Variants in APLP2 observed in about 807,000 individuals in gnomAD.
APLP2 encodes amyloid beta precursor like protein 2, also known as CDEI box-binding protein.
A neutral mutation model predicts 89.9 loss-of-function variants in APLP2; 53 were observed. The observed-to-expected ratio is 0.59, with a 90% confidence interval of 0.47 to 0.74. The LOEUF is 0.74. Among genes scored for constraint, APLP2 ranks in the 30% least tolerant of loss-of-function variants. APLP2 has a pLI of 0.00. For synonymous variants in APLP2, 372 were observed against 348.6 expected (o/e 1.07, Z -0.75); for missense variants, 973 against 975.9 (o/e 1.00, Z 0.04).
At chr11:130,130,286 GTT>G in intron 11 of APLP2, 120 bp downstream of exon 11, 2 of 1,370,626 alleles carry the variant, frequency 1.5e-6, no homozygotes, top group Admixed American at 4.1e-5. Flanking sequence ...TAGAAAATGA[GTT>G]TTGATTTCCG....
chr11:130,104,526 A>G (rs2135727578), intron 1 of APLP2, among the ~76,000 whole-genome samples: 2 of 152,200 alleles, frequency 1.3e-5, no homozygotes, highest in Middle Eastern at 6.8e-3. Flanking sequence ...CTTGGTATGC[A>G]TCTTGAACTA....
In APLP2 at chr11:130,122,476, C is replaced by T. The variant is rs1455788837; in HGVS notation, c.885C>T (p.Gly295=). 6.2e-7 allele frequency: 1 copy of T among 1,614,100 alleles called. No individual in the cohort carries two copies. The change falls in exon 6 of 17, where the codon GGC becomes GGT. Residue 295 remains glycine, a synonymous_variant. Transcript: ENST00000338167. ...ATCCTACTGAACCCGGCAGCGACGG[C>T]ACCATGTCAGACAAGGAAATTACTC... ...EENPTEPGSD[G]TMSDKEITHD... is the part of the protein sequence containing the mutation.
chr11:130,095,991 G>T (rs1946152134), intron 1 of APLP2, among the ~76,000 whole-genome samples: 1 of 152,214 alleles, frequency 6.6e-6, no homozygotes, highest in South Asian at 2.1e-4. Flanking sequence ...GGACACTGCA[G>T]ATGAATGAGC....
At chr11:130,093,358 G>A (rs1945712945) in intron 1 of APLP2, among the ~76,000 whole-genome samples, 1 of 152,206 alleles carries the variant, frequency 6.6e-6, no homozygotes, top group Admixed American at 6.5e-5. Context: ...GTAGGGAATA[G>A]ACAAAGACAA....
intron 3 of APLP2, among the ~76,000 whole-genome samples, chr11:130,112,442 A>G (rs1948708045): frequency 6.6e-6 from 1 of 152,208 alleles, no homozygotes; most frequent in Non-Finnish European, 1.5e-5. Flanking sequence ...GTGACAGGAC[A>G]CAGTACTTAT....
intron 9 of APLP2, among the ~76,000 whole-genome samples, chr11:130,128,792 T>G (rs1950634532): frequency 6.6e-6 from 1 of 152,210 alleles, no homozygotes; most frequent in Non-Finnish European, 1.5e-5. Context: ...CTAGCACTTG[T>G]AGTTACACAG....
chr11:130,107,571 A>G (rs913290179), intron 1 of APLP2, among the ~76,000 whole-genome samples: 9 of 152,252 alleles, frequency 5.9e-5, no homozygotes, highest in Non-Finnish European at 1.2e-4. Flanking sequence ...AAGAGGACAC[A>G]AACAAATGGA....
intron 1 of APLP2, among the ~76,000 whole-genome samples, chr11:130,074,215 T>G (rs1489196342): frequency 6.6e-6 from 1 of 152,130 alleles, no homozygotes; most frequent in African/African-American, 2.4e-5. Flanking sequence ...TTGTTGTTGT[T>G]GTTTTGTTTT....
chr11:130,070,303 AGGC>A (rs1940675016), intron 1 of APLP2, among the ~76,000 whole-genome samples: 1 of 151,168 alleles, frequency 6.6e-6, no homozygotes, highest in Admixed American at 6.6e-5. Flanking sequence ...GCCAAATGAA[AGGC>A]GTCGGGGCTG....
At chr11:130,095,669 T>C (rs1329006124) in intron 1 of APLP2, among the ~76,000 whole-genome samples, 2 of 152,214 alleles carry the variant, frequency 1.3e-5, no homozygotes. Context: ...TTGGAGTCAC[T>C]TGACAAAAAT....
chr11:130,142,162 C>T (rs1385606023), intron 16 of APLP2, 88 bp downstream of exon 16: 2 of 1,372,750 alleles, frequency 1.5e-6, no homozygotes, highest in East Asian at 2.6e-5. Context: ...ATCTTCACTC[C>T]TCGAGTACTG....
At position 130,078,330 on chromosome 11, in the gene APLP2, G is replaced by A. The variant is rs560235167; in HGVS notation, c.105+8248G>A. On this transcript the variant is annotated intron_variant, in intron 1 of 16. Coordinates refer to ENST00000338167, the MANE Select transcript of APLP2 (RefSeq NM_001142276.2). ...GTACTCCATTATATGAATAAACCACGCAGTTTGTTCTGCTGTTGATGGACG... is the reference window on the plus strand; with the variant it reads ...GTACTCCATTATATGAATAAACCACACAGTTTGTTCTGCTGTTGATGGACG... 5.9e-5 allele frequency among the ~76,000 whole-genome samples: 9 copies of A among 152,074 alleles called. No homozygotes were observed. In the East Asian group the frequency reaches 7.7e-4, roughly 13 times the overall value.
At chr11:130,117,779 G>C (rs1167799492) in intron 3 of APLP2, among the ~76,000 whole-genome samples, 1 of 152,148 alleles carries the variant, frequency 6.6e-6, no homozygotes, top group African/African-American at 2.4e-5. Context: ...TTGAGTTAAA[G>C]GTTGTATTTC....
At chr11:130,135,408 C>T (rs553993764) in intron 12 of APLP2, among the ~76,000 whole-genome samples, 155 bp from the exon 13 acceptor site, 1 of 152,194 alleles carries the variant, frequency 6.6e-6, no homozygotes, top group South Asian at 2.1e-4. Context: ...CCTGGGGTCC[C>T]TGGTGTTGGG....
chr11:130,109,438 G>T lies in APLP2; in HGVS notation c.115G>T (p.Ala39Ser). Residue 39 changes from alanine (A) to serine (S), a missense_variant, in exon 2 of 17, where the codon GCC (alanine) becomes TCC (serine). Physicochemically the swap from Ala to Ser is moderately conservative, Grantham distance 99. Coordinates refer to ENST00000338167, the MANE Select transcript of APLP2 (RefSeq NM_001142276.2). The stretch of plus-strand genomic sequence containing the variant: ...TTTTTCCCTTTGGTAGGCTCTTGCA[G>T]CCAATGCCGGAACAGGATTTGCTGT... The part of the protein sequence containing the change: ...ALAGYIEALA[A>S]NAGTGFAVAE... 6.2e-7 allele frequency: 1 copy of T among 1,611,060 alleles called. No homozygotes were observed. Among genetic ancestry groups the T allele is most frequent in the Non-Finnish European group, 8.5e-7 (1 of 1,178,722 alleles).
intron 1 of APLP2, among the ~76,000 whole-genome samples, chr11:130,104,060 G>A (rs1947306834): frequency 6.6e-6 from 1 of 151,988 alleles, no homozygotes; most frequent in Non-Finnish European, 1.5e-5. Context: ...CAAAGGATTC[G>A]GGGGAGAGCA....
chr11:130,092,795 C>G (rs1945604204), intron 1 of APLP2, among the ~76,000 whole-genome samples: 2 of 151,940 alleles, frequency 1.3e-5, no homozygotes, highest in South Asian at 4.1e-4. Context: ...AATAAACTAA[C>G]AAAGAACAGG....
Position 130,110,575 on chromosome 11 carries a change from CA to C in APLP2, c.320del (p.Asn107ThrfsTer33), listed in dbSNP as rs1948420671. 3.1e-6 allele frequency: 5 copies of C among 1,613,592 alleles called. No individual in the cohort carries two copies. The highest frequency in any genetic ancestry group is 1.3e-5 in the African/African-American group (1 of 74,868). ...PELQITNVME[A>X]NQRVSIDNWC... ...CTACAGATCACAAATGTGATGGAGG[CA>C]AACCAGCGGGTTAGTATTGACAACT... On this transcript the variant is annotated frameshift_variant, in exon 3 of 17. Coordinates refer to ENST00000338167, the MANE Select transcript of APLP2 (RefSeq NM_001142276.2). LOFTEE classifies it high-confidence loss of function.
At chr11:130,102,868 T>G (rs1312748478) in intron 1 of APLP2, among the ~76,000 whole-genome samples, 1 of 152,244 alleles carries the variant, frequency 6.6e-6, no homozygotes, top group Non-Finnish European at 1.5e-5. Context: ...GAATTTCTTA[T>G]TAAGAATGAA....
Sources: allele counts gnomAD v4.1 joint callset (sites outside exome capture counted in the v4.1 genomes callset), GRCh38; gene constraint gnomAD v4.1.1; transcripts MANE v1.5; gene names NCBI Gene and HGNC (gene_info 2026-07-23, HGNC 2026-07-21).